Variants in METTL15 observed in about 807,000 individuals in gnomAD.
METTL15 encodes the protein 12S rRNA N(4)-cytidine methyltransferase METTL15.
METTL15 carries 34 observed loss-of-function variants against 38.3 expected under a neutral mutation model. The observed-to-expected ratio is 0.89, with a 90% CI of 0.68 to 1.18. The LOEUF (loss-of-function observed/expected upper bound fraction) is 1.18, where lower values mean the gene tolerates loss of function less well. METTL15 is among the 50% of genes most tolerant of loss of function. The pLI is 0.00. For synonymous variants in METTL15, 162 were observed against 170.9 expected (o/e 0.95, Z 0.41); for missense variants, 438 against 498.4 (o/e 0.88, Z 1.15).
chr11:28,134,464 A>G (rs1849449027), intron 3 of METTL15: 2 of 397,994 alleles, frequency 5.0e-6, no homozygotes, highest in Non-Finnish European at 4.4e-6. Flanking sequence ...TGCACAAAAC[A>G]TGGGTTGGAG....
chr11:28,150,001 A>G (rs975616194), intron 3 of METTL15, among the ~76,000 whole-genome samples: 6 of 151,854 alleles, frequency 4.0e-5, no homozygotes, highest in Admixed American at 1.3e-4. Context: ...CCAGGGCCCA[A>G]TGTCGCTTCT....
At chr11:28,129,811 T>A (rs181546906) in intron 3 of METTL15, among the ~76,000 whole-genome samples, 1 of 152,254 alleles carries the variant, frequency 6.6e-6, no homozygotes, top group Non-Finnish European at 1.5e-5. Flanking sequence ...TGTTGGGGGA[T>A]CTGGGGATTG....
intron 5 of METTL15, among the ~76,000 whole-genome samples, chr11:28,408,334 AAACAAC>A (rs569893597): frequency 4.6e-5 from 7 of 151,936 alleles, no homozygotes; most frequent in African/African-American, 1.5e-4. Context: ...ATCACATTAA[AAACAAC>A]AACAACAACA....
chr11:28,434,598 C>T (rs1483207536), intron 6 of METTL15, among the ~76,000 whole-genome samples: 1 of 152,210 alleles, frequency 6.6e-6, no homozygotes, highest in African/African-American at 2.4e-5. Flanking sequence ...CCTCCAACTT[C>T]TTTAAAAGGA....
intron 6 of METTL15, among the ~76,000 whole-genome samples, chr11:28,488,998 C>T (rs1443111556): frequency 5.3e-5 from 8 of 152,130 alleles, no homozygotes; most frequent in South Asian, 2.1e-4. Flanking sequence ...TCTTCTTTTA[C>T]CTTACCCACA....
At chr11:28,338,986 A>G (rs1564900063) in intron 3 of METTL15, among the ~76,000 whole-genome samples, 1 of 152,128 alleles carries the variant, frequency 6.6e-6, no homozygotes, top group African/African-American at 2.4e-5. Flanking sequence ...AGTTTCAGAA[A>G]AGGCAGCTGA....
chr11:28,319,532 T>A (rs370004141), intron 6 of METTL15, among the ~76,000 whole-genome samples: 20 of 152,148 alleles, frequency 1.3e-4, no homozygotes, highest in African/African-American at 4.6e-4. Context: ...CAAATAAGAC[T>A]ACTTACAATC....
intron 6 of METTL15, among the ~76,000 whole-genome samples, chr11:28,492,143 G>T (rs1270191554): frequency 1.3e-5 from 2 of 152,140 alleles, no homozygotes; most frequent in Non-Finnish European, 2.9e-5. Context: ...TATCAGAGAA[G>T]CAATTCTATA....
At chr11:28,223,816 A>G (rs1473457584) in intron 4 of METTL15, among the ~76,000 whole-genome samples, 5 of 152,122 alleles carry the variant, frequency 3.3e-5, no homozygotes, top group Non-Finnish European at 7.4e-5. Flanking sequence ...TGAAGACTGT[A>G]TAAGAGGAAA....
At chr11:28,528,451 C>T (rs1851826205), downstream of METTL15, among the ~76,000 whole-genome samples, 1 of 152,196 alleles carries the variant, frequency 6.6e-6, no homozygotes, top group African/African-American at 2.4e-5. Flanking sequence ...AACATTGCTG[C>T]TTTCCCATCT....
At chr11:28,324,653 C>A (rs1849573914) in intron 6 of METTL15, among the ~76,000 whole-genome samples, 1 of 152,120 alleles carries the variant, frequency 6.6e-6, no homozygotes. Context: ...AGGACTGGAC[C>A]CATATCATGA....
At chr11:28,456,224 A>G (rs548673419) in intron 6 of METTL15, among the ~76,000 whole-genome samples, 12 of 151,576 alleles carry the variant, frequency 7.9e-5, no homozygotes, top group African/African-American at 2.4e-4. Context: ...TGCCCAGGCT[A>G]GTCTCAAACT....
At chr11:28,187,780 G>T (rs1565151988) in intron 3 of METTL15, among the ~76,000 whole-genome samples, 1 of 150,876 alleles carries the variant, frequency 6.6e-6, no homozygotes, top group Non-Finnish European at 1.5e-5. Flanking sequence ...ACTTTTCATT[G>T]TTATTTATTA....
rs1564930335 is a variant in METTL15 at position 28,433,158 on chromosome 11, G to GTTTTTTTTTTTTTTTTTTTTTTTTTTT, written c.*424+8798_*424+8799insTTTTTTTTTTTTTTTTTTTTTTTTTTT. 1.8e-5 allele frequency among the ~76,000 whole-genome samples: 2 copies of GTTTTTTTTTTTTTTTTTTTTTTTTTTT among 113,626 alleles called. 1 individual carries two copies. The allele number at this position is 113,626 out of a possible 152,430, so 74.5% of individuals were successfully genotyped here. A position where few individuals can be genotyped will look rare whatever the true frequency, so the allele number is the denominator to read the frequency against. On this transcript the variant is annotated intron_variant and NMD_transcript_variant, in intron 6 of 7. Coordinates refer to the METTL15 transcript ENST00000532947. ...CCTTGCAGGACTTCTCTCAGGTTTT[G>GTTTTTTTTTTTTTTTTTTTTTTTTTTT]TTTTGTTTTTTTTGTTTTTTTTTGG...
intron 6 of METTL15, among the ~76,000 whole-genome samples, chr11:28,523,134 G>A (rs1471453212): frequency 6.6e-6 from 1 of 152,088 alleles, no homozygotes; most frequent in African/African-American, 2.4e-5. Context: ...TTAAAAAAGG[G>A]TACAGTACAA....
At chr11:28,522,014 C>A (rs568879542) in intron 6 of METTL15, among the ~76,000 whole-genome samples, 1 of 152,288 alleles carries the variant, frequency 6.6e-6, no homozygotes, top group South Asian at 2.1e-4. Flanking sequence ...GGGACCCTGA[C>A]TAATACAGGT....
intron 5 of METTL15, among the ~76,000 whole-genome samples, chr11:28,411,608 T>C (rs1274117674): frequency 6.8e-6 from 1 of 146,368 alleles, no homozygotes; most frequent in African/African-American, 2.5e-5. Flanking sequence ...AAGACCTAAA[T>C]AAATGTAAGA....
At chr11:28,294,876 T>G (rs1392023728) in intron 5 of METTL15, among the ~76,000 whole-genome samples, 1 of 152,162 alleles carries the variant, frequency 6.6e-6, no homozygotes, top group Non-Finnish European at 1.5e-5. Context: ...AATTATGTGT[T>G]GAACAAAATA....
intron 5 of METTL15, among the ~76,000 whole-genome samples, chr11:28,396,161 G>A (rs1418110362): frequency 6.6e-6 from 1 of 152,170 alleles, no homozygotes; most frequent in Admixed American, 6.6e-5. Context: ...AAAACTGGAA[G>A]CATTCCCTTT....
Sources: gnomAD v4.1 joint callset for allele counts (sites outside exome capture counted in the v4.1 genomes callset) on GRCh38, gnomAD v4.1.1 for gene constraint, MANE v1.5 for transcripts, NCBI Gene and HGNC (gene_info 2026-07-23, HGNC 2026-07-21) for gene names.